CELF2: variants seen among roughly 807,000 people sequenced by gnomAD.
The protein encoded by CELF2 is CUGBP Elav-like family member 2.
In CELF2, 8 loss-of-function variants were observed where a neutral mutation model predicts 62.6. The ratio of observed to expected loss-of-function variants is 0.13; its 90% CI spans 0.07 to 0.23. The LOEUF (loss-of-function observed/expected upper bound fraction) is 0.23. Ranked by LOEUF, CELF2 falls within the 10% of genes least tolerant of loss-of-function variation. The pLI, the probability that CELF2 is intolerant of heterozygous loss-of-function variation, is 1.00. For synonymous variants in CELF2, 258 were observed against 250.0 expected (o/e 1.03, Z -0.30); for missense variants, 333 against 671.0 (o/e 0.50, Z 5.56).
At chr10:10,989,727 T>C (rs569146101) in intron 2 of CELF2, among the ~76,000 whole-genome samples, 2 of 152,102 alleles carry the variant, frequency 1.3e-5, no homozygotes, top group African/African-American at 4.8e-5. Flanking sequence ...AAAAATAAAT[T>C]ATGATTTGTG....
At chr10:10,920,063 G>A in intron 2 of CELF2, 1 of 1,099,492 alleles carries the variant, frequency 9.1e-7, no homozygotes, top group Non-Finnish European at 1.2e-6. Context: ...GAAGTACTGT[G>A]CCATGTCTTC....
chr10:11,267,828 G>A lies in CELF2; in HGVS notation c.618+1151G>A, dbSNP rs771124480. Among the ~76,000 whole-genome samples the A allele has an allele frequency of 1.3e-5, 2 of 152,116 alleles. No individual in the cohort carries two copies. The highest frequency in any genetic ancestry group is 2.4e-5 in the African/African-American group (1 of 41,402). On this transcript the variant is annotated intron_variant, in intron 6 of 12. Coordinates refer to ENST00000633077, the MANE Select transcript of CELF2 (RefSeq NM_001326342.2). This position sits in a 1 kb window ranked among gnomAD's most constrained non-coding sequence, Gnocchi z 4.4. Reference sequence around the variant, plus strand: ...GCAAAGGGGGGAAGGAGTGTGCATGGCATTGTCATTCAGTGTTTACTGTAC... The same window carrying A: ...GCAAAGGGGGGAAGGAGTGTGCATGACATTGTCATTCAGTGTTTACTGTAC...
chr10:10,553,448 C>T, the CELF2 span, among the ~76,000 whole-genome samples: 1 of 152,160 alleles, frequency 6.6e-6, no homozygotes, highest in Non-Finnish European at 1.5e-5. Flanking sequence ...AATCACCTCT[C>T]AAAGGCCCCA....
intron 1 of CELF2, among the ~76,000 whole-genome samples, chr10:10,891,120 G>A (rs922706534): frequency 1.4e-4 from 22 of 152,084 alleles, no homozygotes; most frequent in Admixed American, 3.9e-4. Context: ...ATTTCCAGAC[G>A]ATTAGACATA....
intron 1 of CELF2, among the ~76,000 whole-genome samples, chr10:11,044,300 C>T (rs940864586): frequency 2.6e-5 from 4 of 152,226 alleles, no homozygotes; most frequent in African/African-American, 9.6e-5. Flanking sequence ...CTTGAGCTTA[C>T]TGATATATCT....
chr10:10,842,257 G>C (rs895571622), intron 1 of CELF2, among the ~76,000 whole-genome samples: 1 of 151,690 alleles, frequency 6.6e-6, no homozygotes, highest in Admixed American at 6.6e-5. Context: ...TATTTCTTTT[G>C]TTCCAATCTG....
In CELF2 at chr10:11,290,426, G is replaced by C. The variant is rs749051644; in HGVS notation, c.976+1874G>C. On this transcript the variant is annotated intron_variant, in intron 9 of 12. Transcript: ENST00000633077. The surrounding 1 kb of genome is among the most constrained non-coding windows in gnomAD (Gnocchi z 4.3). ...GTGGACCGCGTCCGTTCCAGCCCACGTTGGGAGGAGTGTGAGCTTGTTGCA... is the reference window on the plus strand; with the variant it reads ...GTGGACCGCGTCCGTTCCAGCCCACCTTGGGAGGAGTGTGAGCTTGTTGCA... Among the ~76,000 whole-genome samples the C allele has an allele frequency of 6.6e-6, 1 of 151,970 alleles. No homozygotes were observed. Among genetic ancestry groups the C allele is most frequent in the Admixed American group, 6.6e-5 (1 of 15,252 alleles).
At chr10:10,547,415 C>A in the CELF2 span, among the ~76,000 whole-genome samples, 1 of 152,086 alleles carries the variant, frequency 6.6e-6, no homozygotes, top group Non-Finnish European at 1.5e-5. Flanking sequence ...ACAGAGTGAA[C>A]AAGTGATGAA....
chr10:11,215,327 G>A (rs1043132222), intron 2 of CELF2, among the ~76,000 whole-genome samples: 20 of 152,152 alleles, frequency 1.3e-4, no homozygotes, highest in African/African-American at 3.9e-4. Flanking sequence ...CTCCATTTAC[G>A]TCATCATTGT....
chr10:10,587,451 A>G, the CELF2 span, among the ~76,000 whole-genome samples: 52,964 of 152,048 alleles, frequency 0.35, 10,011 homozygotes, highest in East Asian at 0.51. Context: ...CAGAAGAGGC[A>G]AGTCCTTGCT....
intron 2 of CELF2, among the ~76,000 whole-genome samples, chr10:10,996,309 A>G (rs1445630595): frequency 6.6e-6 from 1 of 152,288 alleles, no homozygotes; most frequent in East Asian, 1.9e-4. Flanking sequence ...GTTATACATT[A>G]GAGGAGATGG....
At chr10:11,051,043 A>T (rs1346990965) in intron 1 of CELF2, among the ~76,000 whole-genome samples, 1 of 152,202 alleles carries the variant, frequency 6.6e-6, no homozygotes, top group Non-Finnish European at 1.5e-5. Flanking sequence ...TAGCAGCTAG[A>T]TCAAGATGCA....
chr10:10,510,694 A>C, the CELF2 span, among the ~76,000 whole-genome samples: 1 of 152,234 alleles, frequency 6.6e-6, no homozygotes, highest in East Asian at 1.9e-4. Context: ...ACCAGCACAT[A>C]GATAATTTAG....
the CELF2 span, among the ~76,000 whole-genome samples, chr10:10,711,317 A>G: frequency 7.2e-5 from 11 of 152,226 alleles, no homozygotes; most frequent in African/African-American, 2.7e-4. Flanking sequence ...GCCAGGAGCT[A>G]TGACATTATA....
At chr10:10,653,154 C>T in the CELF2 span, among the ~76,000 whole-genome samples, 1 of 152,176 alleles carries the variant, frequency 6.6e-6, no homozygotes, top group Non-Finnish European at 1.5e-5. Flanking sequence ...ATCAATTCAA[C>T]AAGAAGAGCT....
rs987101125 is a variant in CELF2, at chr10:11,268,936, T to A, written c.619-1730T>A. ...TCTCCACTTGCCTTCACTCTATCCCTGCCCTGTGTTTCATGGTTTAAAAAA... is the reference window on the plus strand; with the variant it reads ...TCTCCACTTGCCTTCACTCTATCCCAGCCCTGTGTTTCATGGTTTAAAAAA... On this transcript the variant is annotated intron_variant, in intron 6 of 12. Transcript: ENST00000633077. This position sits in a 1 kb window ranked among gnomAD's most constrained non-coding sequence, Gnocchi z 4.7. 6.6e-6 allele frequency among the ~76,000 whole-genome samples: 1 copy of A among 152,226 alleles called. No homozygotes were observed. The highest frequency in any genetic ancestry group is 2.4e-5 in the African/African-American group (1 of 41,448).
intron 8 of CELF2, among the ~76,000 whole-genome samples, chr10:11,288,075 CT>C (rs1395509199): frequency 6.6e-6 from 1 of 152,268 alleles, no homozygotes; most frequent in African/African-American, 2.4e-5. Flanking sequence ...GAAATCTCTC[CT>C]CTTTTCCACT....
At chr10:10,497,354 A>T in the CELF2 span, among the ~76,000 whole-genome samples, 10 of 152,216 alleles carry the variant, frequency 6.6e-5, no homozygotes, top group Non-Finnish European at 1.3e-4. Flanking sequence ...TCATGCATTC[A>T]GTTCATGCAA....
chr10:10,702,189 AG>A, the CELF2 span, among the ~76,000 whole-genome samples: 1 of 152,172 alleles, frequency 6.6e-6, no homozygotes, highest in Non-Finnish European at 1.5e-5. Context: ...AGGAACAGGA[AG>A]GAGAGGCCCA....
Sources: gnomAD v4.1 joint callset for allele counts (sites outside exome capture counted in the v4.1 genomes callset) on GRCh38, gnomAD v4.1.1 for gene constraint, Gnocchi (gnomAD v3.1) non-coding constraint, MANE v1.5 for transcripts, NCBI Gene and HGNC (gene_info 2026-07-23, HGNC 2026-07-21) for gene names.